SLC5A5: variants seen among roughly 807,000 people sequenced by gnomAD.
The protein encoded by SLC5A5 is solute carrier family 5 member 5.
Under a neutral mutation model 68.6 loss-of-function variants are expected in SLC5A5, and 56 were observed. The ratio of observed to expected loss-of-function variants is 0.82; its 90% confidence interval spans 0.66 to 1.02. The LOEUF is 1.02. SLC5A5 is among the 50% of genes least tolerant of loss of function. The pLI is 0.00. For missense variants in SLC5A5, 807 were observed against 859.8 expected, an observed-to-expected ratio of 0.94 and a Z score of 0.77; for synonymous variants, 398 against 373.0, an observed-to-expected ratio of 1.07 and a Z score of -0.77.
At chr19:17,890,653 C>T (rs988558417) in intron 13 of SLC5A5, among the ~76,000 whole-genome samples, 5 of 152,112 alleles carry the variant, frequency 3.3e-5, no homozygotes, top group African/African-American at 1.2e-4. Flanking sequence ...GCCTTAGACT[C>T]CCAAAGTGCA....
At chr19:17,873,995 C>A (rs996332144) in intron 1 of SLC5A5, 143 bp from the exon 2 acceptor site, 13 of 703,092 alleles carry the variant, frequency 1.8e-5, no homozygotes, top group African/African-American at 1.4e-4. Flanking sequence ...TGTGTGCGTG[C>A]GGCGGGGCCC....
rs2094302883 is a variant in SLC5A5, at chr19:17,874,735, AGT to A, written c.543+6_543+7del. The A allele has an allele frequency of 1.2e-6, 2 of 1,613,848 alleles. No individual in the cohort carries two copies. Among genetic ancestry groups the A allele is most frequent in the African/African-American group, 2.7e-5 (2 of 74,900 alleles). On this transcript the variant is annotated splice_donor_5th_base_variant and intron_variant, in intron 4 of 14. Coordinates refer to ENST00000222248, the MANE Select transcript of SLC5A5 (RefSeq NM_000453.3). The stretch of plus-strand genomic sequence containing the variant: ...CTGCACCTTCTACACGGCTGTGGTG[AGT>A]GGCCCTGGGAACTCACTCCATACGG...
chr19:17,874,622 GC>G, intron 3 of SLC5A5, 41 bp from the exon 4 acceptor site: 2 of 1,613,356 alleles, frequency 1.2e-6, no homozygotes, highest in South Asian at 2.2e-5. Context: ...CTAAGTTTGC[GC>G]CCCGCCCAGG....
intron 10 of SLC5A5, 120 bp downstream of exon 10, chr19:17,882,339 T>A: frequency 3.1e-6 from 1 of 318,934 alleles, no homozygotes; most frequent in Non-Finnish European, 5.7e-6. Flanking sequence ...CACTTCTATG[T>A]TTTTTTTTTT....
intron 7 of SLC5A5, among the ~76,000 whole-genome samples, chr19:17,878,336 C>T (rs552286842): frequency 2.6e-4 from 40 of 152,004 alleles, no homozygotes; most frequent in Non-Finnish European, 5.2e-4. Context: ...GAAACCCTGT[C>T]TCTACTAAAA....
intron 5 of SLC5A5, among the ~76,000 whole-genome samples, 155 bp from the exon 6 acceptor site, chr19:17,877,567 CA>C (rs2094310329): frequency 6.6e-6 from 1 of 152,162 alleles, no homozygotes; most frequent in Non-Finnish European, 1.5e-5. Context: ...CTTGGCCTCC[CA>C]AAGTGCTGGG....
In SLC5A5 at chr19:17,872,567, A is replaced by G. The variant is rs2094296963; in HGVS notation, c.248A>G (p.Tyr83Cys). 6.2e-7 allele frequency: 1 copy of G among 1,612,048 alleles called. No homozygotes were observed. Among genetic ancestry groups the G allele is most frequent in the Non-Finnish European group, 8.5e-7 (1 of 1,179,106 alleles). ...GGCGTGCCGTCGGAGGCCTATCGCT[A>G]TGGCCTCAAGTTCCTCTGGATGTGC... ...VLGVPSEAYR[Y>C]GLKFLWMCLG... Residue 83 changes from tyrosine to cysteine, a missense_variant, in exon 1 of 15, where the codon TAT becomes TGT. Coordinates refer to ENST00000222248, the MANE Select transcript of SLC5A5 (RefSeq NM_000453.3).
At chr19:17,888,886 T>A (rs1308339416) in intron 13 of SLC5A5, among the ~76,000 whole-genome samples, 2 of 151,042 alleles carry the variant, frequency 1.3e-5, no homozygotes, top group African/African-American at 4.9e-5. Flanking sequence ...CTCGCAAAGT[T>A]CTGGGATTAT....
chr19:17,886,939 G>A (rs34855757), intron 12 of SLC5A5, among the ~76,000 whole-genome samples: 5,271 of 152,118 alleles, frequency 0.035, 115 homozygotes, highest in South Asian at 0.048. Context: ...GCTGGGCATG[G>A]TGGTGCACAC....
intron 12 of SLC5A5, among the ~76,000 whole-genome samples, chr19:17,885,899 C>T (rs1035320056): frequency 2.6e-5 from 4 of 151,892 alleles, no homozygotes; most frequent in African/African-American, 9.7e-5. Flanking sequence ...TTCACTTTGT[C>T]GCCCAGGCTG....
At chr19:17,877,156 G>T (rs2094309467) in intron 5 of SLC5A5, among the ~76,000 whole-genome samples, 1 of 152,052 alleles carries the variant, frequency 6.6e-6, no homozygotes, top group Non-Finnish European at 1.5e-5. Context: ...CCAGATTGGG[G>T]GCTAAAGCCT....
In SLC5A5 at chr19:17,877,605, G is replaced by A. The variant is rs73520722; in HGVS notation, c.699-118G>A. 3.8e-3 allele frequency: 5,056 copies of A among 1,325,450 alleles called. 136 individuals are homozygous for A. In the African/African-American group the frequency reaches 0.064, roughly 17 times the overall value. The allele number at this position is 1,325,450 out of a possible 1,614,324, so 82.1% of individuals were successfully genotyped here. On this transcript the variant is annotated intron_variant, in intron 5 of 14. Transcript: ENST00000222248. ...TTACAGGCATGAGCCACTGCGCCTG[G>A]CCAACAAAACCCACTCCAAATGTCC...
Position 17,882,029 on chromosome 19 carries a change from G to A in SLC5A5, c.1128G>A (p.Arg376=), listed in dbSNP as rs749773668. Residue 376 remains arginine (R), a synonymous_variant, in exon 9 of 15, where the codon CGG becomes CGA. Coordinates refer to ENST00000222248, the MANE Select transcript of SLC5A5 (RefSeq NM_000453.3). ...AAGACCTCATCAAACCTCGGCTGCGGAGCCTGGCACCCAGGAAACTCGTGA... is the reference window on the plus strand; with the variant it reads ...AAGACCTCATCAAACCTCGGCTGCGAAGCCTGGCACCCAGGAAACTCGTGA... ...TVEDLIKPRL[R]SLAPRKLVII... The A allele has an allele frequency of 8.1e-6, 13 of 1,614,096 alleles. No homozygotes were observed. The highest frequency in any genetic ancestry group is 9.3e-6 in the Non-Finnish European group (11 of 1,180,042).
At position 17,881,997 on chromosome 19, in the gene SLC5A5, A is replaced by G; in HGVS notation, c.1096A>G (p.Thr366Ala). 1.2e-6 allele frequency: 2 copies of G among 1,614,160 alleles called. No homozygotes were observed. Among genetic ancestry groups the G allele is most frequent in the Non-Finnish European group, 1.7e-6 (2 of 1,180,004 alleles). ...CAGCATCAATGCTATGGCTGCAGTCACTGTAGAAGACCTCATCAAACCTCG... is the reference window on the plus strand; with the variant it reads ...CAGCATCAATGCTATGGCTGCAGTCGCTGTAGAAGACCTCATCAAACCTCG... Reference protein sequence around the residue: ...STSINAMAAVTVEDLIKPRLR... With the variant: ...STSINAMAAVAVEDLIKPRLR... Residue 366 changes from threonine (T) to alanine (A), a missense_variant, in exon 9 of 15, where the codon ACT (threonine) becomes GCT (alanine). Thr to Ala is a moderately conservative substitution (Grantham distance 58, BLOSUM62 0). Coordinates refer to ENST00000222248, the MANE Select transcript of SLC5A5 (RefSeq NM_000453.3).
chr19:17,883,022 G>A (rs1157380360), intron 10 of SLC5A5, among the ~76,000 whole-genome samples: 1 of 151,986 alleles, frequency 6.6e-6, no homozygotes, highest in African/African-American at 2.4e-5. Flanking sequence ...ACTTCACCAT[G>A]TTGGCCAGTC....
At chr19:17,884,819 A>G (rs1339383046) in intron 12 of SLC5A5, among the ~76,000 whole-genome samples, 3 of 151,394 alleles carry the variant, frequency 2.0e-5, no homozygotes, top group African/African-American at 4.9e-5. Flanking sequence ...TGCAACCATC[A>G]CCACTATCTA....
chr19:17,877,435 A>G (rs1225464633), intron 5 of SLC5A5, among the ~76,000 whole-genome samples: 1 of 151,362 alleles, frequency 6.6e-6, no homozygotes, highest in Non-Finnish European at 1.5e-5. Context: ...TCAGCCTCCC[A>G]AGTAGCTGGG....
At position 17,872,242 on chromosome 19, in the gene SLC5A5, CTCCTCGG is replaced by C; in HGVS notation, c.-77_-71del. 3 of 821,266 alleles carry C rather than the reference CTCCTCGG, an allele frequency of 3.7e-6. No individual in the cohort carries two copies. The highest frequency in any genetic ancestry group is 1.5e-5 in the South Asian group (1 of 66,890). The allele number at this position is 821,266 out of a possible 1,614,324, so 50.9% of individuals were successfully genotyped here. ...CTCCCACCCGCCCTCCCCGTCCTGC[CTCCTCGG>C]CCCCTGCCAGCTTCCCCCGCTTGAG... On this transcript the variant is annotated 5_prime_UTR_variant, in exon 1 of 15. Coordinates refer to ENST00000222248, the MANE Select transcript of SLC5A5 (RefSeq NM_000453.3).
intron 14 of SLC5A5, among the ~76,000 whole-genome samples, chr19:17,893,019 CTCTT>C (rs972323290): frequency 6.7e-5 from 9 of 134,486 alleles, no homozygotes; most frequent in African/African-American, 2.6e-4. Context: ...TTCTTTCTCT[CTCTT>C]TTTTTGTTCT....
Sources: gnomAD v4.1 joint callset for allele counts (sites outside exome capture counted in the v4.1 genomes callset) on GRCh38, gnomAD v4.1.1 for gene constraint, MANE v1.5 for transcripts, NCBI Gene and HGNC (gene_info 2026-07-23, HGNC 2026-07-21) for gene names.